The following MYPN variants were observed in gnomAD, a reference collection of about 807,000 sequenced individuals.
MYPN encodes sarcomeric protein myopalladin, 145 kDa (MYOP).
In MYPN, 63 loss-of-function variants were observed where a neutral mutation model predicts 129.4. That is an observed-to-expected ratio of 0.49 (90% CI 0.40 to 0.60). MYPN has a LOEUF of 0.60. MYPN is among the 20% of genes least tolerant of loss of function. The pLI is 0.00. For missense variants in MYPN, 1,596 were observed against 1,635.4 expected (o/e 0.98, Z 0.42); for synonymous variants, 629 against 600.9 (o/e 1.05, Z -0.68).
chr10:68,179,414 G>A (rs2043279667), intron 12 of MYPN, among the ~76,000 whole-genome samples: 1 of 152,178 alleles, frequency 6.6e-6, no homozygotes, highest in African/African-American at 2.4e-5. Flanking sequence ...CTTGTTCATT[G>A]CTGCATCCCT....
At chr10:68,165,506 T>C (rs1254006470) in intron 8 of MYPN, 196 bp from the exon 9 acceptor site, 1 of 675,284 alleles carries the variant, frequency 1.5e-6, no homozygotes, top group Non-Finnish European at 2.7e-6. Context: ...GGAGTTATTG[T>C]TTCTACATTC....
upstream of MYPN, among the ~76,000 whole-genome samples, chr10:68,107,917 G>A (rs2042032705): frequency 1.3e-5 from 2 of 152,142 alleles, no homozygotes; most frequent in Non-Finnish European, 2.9e-5. Context: ...CCATGGGAGA[G>A]ACCTACCCAA....
chr10:68,174,722 T>C, intron 11 of MYPN, 66 bp downstream of exon 11: 1 of 1,436,114 alleles, frequency 7.0e-7, no homozygotes, highest in Non-Finnish European at 9.7e-7. Context: ...ATTGAATAGC[T>C]TGATCTGAAA....
At chr10:68,141,141 C>T (rs929977093) in intron 2 of MYPN, among the ~76,000 whole-genome samples, 5 of 152,228 alleles carry the variant, frequency 3.3e-5, no homozygotes, top group South Asian at 2.1e-4. Flanking sequence ...GAGGACAAGG[C>T]GGGTGGATCA....
At chr10:68,101,470 A>G (rs1208061177), upstream of MYPN, among the ~76,000 whole-genome samples, 1 of 152,216 alleles carries the variant, frequency 6.6e-6, no homozygotes, top group Non-Finnish European at 1.5e-5. Flanking sequence ...AGCTGCCTTC[A>G]TCAGTATGTA....
At chr10:68,209,779 C>T (rs1301647829) in intron 19 of MYPN, among the ~76,000 whole-genome samples, 1 of 150,860 alleles carries the variant, frequency 6.6e-6, no homozygotes, top group Non-Finnish European at 1.5e-5. Flanking sequence ...ACTGCAACCT[C>T]TGCCTCCTGG....
intron 2 of MYPN, among the ~76,000 whole-genome samples, chr10:68,139,221 C>A (rs150213659): frequency 4.5e-4 from 69 of 152,248 alleles, no homozygotes; most frequent in African/African-American, 1.6e-3. Context: ...TGTAACCAAC[C>A]TCCCTGTTTT....
At chr10:68,123,778 G>C (rs1373438063) in intron 2 of MYPN, among the ~76,000 whole-genome samples, 3 of 152,098 alleles carry the variant, frequency 2.0e-5, no homozygotes, top group Non-Finnish European at 4.4e-5. Flanking sequence ...CAAGTGCCCA[G>C]TAACTGCATG....
intron 4 of MYPN, among the ~76,000 whole-genome samples, chr10:68,147,974 G>A (rs549696459): frequency 6.6e-6 from 1 of 152,202 alleles, no homozygotes; most frequent in South Asian, 2.1e-4. Flanking sequence ...TAAAAAGCCT[G>A]GCCTCTTACT....
upstream of MYPN, among the ~76,000 whole-genome samples, chr10:68,108,446 A>G (rs1339911372): frequency 2.6e-5 from 4 of 152,224 alleles, no homozygotes; most frequent in Admixed American, 2.6e-4. Flanking sequence ...TACCTGGTAC[A>G]CAGTAGGCAT....
Position 68,093,866 on chromosome 10 carries a change from A to G in MYPN, c.-2+5874A>G, listed in dbSNP as rs2041942929. Among the ~76,000 whole-genome samples, 4 of 152,252 alleles carry G rather than the reference A, an allele frequency of 2.6e-5. No homozygotes were observed. The South Asian group carries it at 8.3e-4, about 32-fold the overall frequency. On this transcript the variant is annotated intron_variant, in intron 1 of 6. Transcript: ENST00000685154. Reference sequence around the variant, plus strand: ...GTTGCTTCTTGATTATATGCTAAACAAGGGGTGGATTATTCACGAGTTTTC... The same window carrying G: ...GTTGCTTCTTGATTATATGCTAAACGAGGGGTGGATTATTCACGAGTTTTC...
At chr10:68,161,568 C>T (rs2042975423) in intron 7 of MYPN, among the ~76,000 whole-genome samples, 161 bp from the exon 8 acceptor site, 1 of 151,750 alleles carries the variant, frequency 6.6e-6, no homozygotes, top group South Asian at 2.1e-4. Context: ...TAATATCCAT[C>T]CTGTCCCTGT....
chr10:68,154,003 T>C (rs2042824323), intron 6 of MYPN, among the ~76,000 whole-genome samples: 1 of 152,114 alleles, frequency 6.6e-6, no homozygotes, highest in African/African-American at 2.4e-5. Flanking sequence ...GAAGTACTTA[T>C]CTTCTTTTAA....
At chr10:68,153,769 C>T (rs1284528686) in intron 6 of MYPN, among the ~76,000 whole-genome samples, 3 of 152,198 alleles carry the variant, frequency 2.0e-5, no homozygotes, top group Non-Finnish European at 2.9e-5. Flanking sequence ...TATCATGTGG[C>T]TATGAGCCAT....
chr10:68,125,156 C>T (rs764224436), intron 2 of MYPN, among the ~76,000 whole-genome samples: 1 of 152,192 alleles, frequency 6.6e-6, no homozygotes, highest in Non-Finnish European at 1.5e-5. Context: ...ATTAGGAAGA[C>T]ATTCCCCACA....
intron 3 of MYPN, among the ~76,000 whole-genome samples, chr10:68,144,642 GTT>G (rs1018945580): frequency 6.7e-6 from 1 of 149,040 alleles, no homozygotes; most frequent in African/African-American, 2.5e-5. Context: ...GGATTGCTGG[GTT>G]TTTTTTTTCT....
At chr10:68,110,505 G>T (rs1242742601) in intron 1 of MYPN, among the ~76,000 whole-genome samples, 6 of 152,084 alleles carry the variant, frequency 3.9e-5, no homozygotes, top group Non-Finnish European at 5.9e-5. Flanking sequence ...CTTATCAACA[G>T]ATTTTTATAT....
chr10:68,110,588 G>A (rs978845505), intron 1 of MYPN, among the ~76,000 whole-genome samples: 1 of 152,080 alleles, frequency 6.6e-6, no homozygotes, highest in Non-Finnish European at 1.5e-5. Context: ...AAAAAAGTAT[G>A]ATTCAATTAC....
At chr10:68,175,191 CA>C in intron 11 of MYPN, 131 bp from the exon 12 acceptor site, 1 of 986,432 alleles carries the variant, frequency 1.0e-6, no homozygotes, top group Non-Finnish European at 1.6e-6. Context: ...CGATTCTCTG[CA>C]CAGGGCTTAA....
Sources: gnomAD v4.1 joint callset for allele counts (sites outside exome capture counted in the v4.1 genomes callset) on GRCh38, gnomAD v4.1.1 for gene constraint, MANE v1.5 for transcripts, NCBI Gene and HGNC (gene_info 2026-07-23, HGNC 2026-07-21) for gene names.